The following OGDH variants were observed in gnomAD, a reference collection of about 807,000 sequenced individuals.
OGDH encodes the protein oxoglutarate dehydrogenase, also known as 2-oxoglutarate dehydrogenase complex component E1.
OGDH carries 38 observed loss-of-function variants against 116.6 expected under a neutral mutation model. That is an observed-to-expected ratio of 0.33 (90% CI 0.25 to 0.43). The LOEUF (loss-of-function observed/expected upper bound fraction) is 0.43, where lower values mean the gene tolerates loss of function less well. Ranked by LOEUF, OGDH falls within the 20% of genes least tolerant of loss-of-function variation. The pLI is 1.00. For synonymous variants in OGDH, 488 were observed against 533.3 expected (o/e 0.92, Z 1.17); for missense variants, 825 against 1,357.2 (o/e 0.61, Z 6.16).
At chr7:44,705,046 A>ATTTTCTTTTTTTTTTTTTT (rs1789004520) in intron 20 of OGDH, among the ~76,000 whole-genome samples, 1 of 87,684 alleles carries the variant, frequency 1.1e-5, no homozygotes, top group African/African-American at 6.0e-5. Context: ...AAAGTTTTTA[A>ATTTTCTTTTTTTTTTTTTT]TTTTCTTTTT....
At chr7:44,647,578 T>TG in intron 3 of OGDH, 79 bp from the exon 4 acceptor site, 2 of 1,581,008 alleles carry the variant, frequency 1.3e-6, no homozygotes, top group Non-Finnish European at 1.7e-6. Flanking sequence ...TAATTTTACT[T>TG]TTTTTTTACC....
chr7:44,654,746 C>A (rs1786611782), intron 4 of OGDH, among the ~76,000 whole-genome samples: 1 of 152,128 alleles, frequency 6.6e-6, no homozygotes, highest in Non-Finnish European at 1.5e-5. Context: ...TGAGAAGATT[C>A]TTTGACTGGA....
chr7:44,692,511 C>T (rs1202090000), intron 10 of OGDH, among the ~76,000 whole-genome samples: 1 of 152,146 alleles, frequency 6.6e-6, no homozygotes, highest in Non-Finnish European at 1.5e-5. Context: ...AGGAGGCCTG[C>T]GGGCTTGAGC....
rs758621092 is a variant in OGDH, at chr7:44,707,976, G to T, written c.3049G>T (p.Asp1017Tyr). ...CCTCCTGGACACGGCCTTCGACCTG[G>T]ACGTCTTCAAGAACTTCTCGTAGAT... ...QRLLDTAFDL[D>Y]VFKNFS The change falls in exon 23 of 23, where the codon GAC (aspartate) becomes TAC (tyrosine). Residue 1017 changes from aspartate to tyrosine, a missense_variant. Coordinates refer to ENST00000222673, the MANE Select transcript of OGDH (RefSeq NM_002541.4). This position sits in a 1 kb window ranked among gnomAD's most constrained non-coding sequence, Gnocchi z 5.2. 6.2e-7 allele frequency: 1 copy of T among 1,613,626 alleles called. No homozygotes were observed. The highest frequency in any genetic ancestry group is 1.1e-5 in the South Asian group (1 of 91,082).
rs1789200723 is a variant in OGDH at position 44,708,822 on chromosome 7, T to A, written c.*823T>A. 1 of 152,274 alleles carries A rather than the reference T, an allele frequency of 6.6e-6. No individual in the cohort carries two copies. Among genetic ancestry groups the A allele is most frequent in the Non-Finnish European group, 1.5e-5 (1 of 68,092 alleles). 9.4% of individuals were successfully genotyped at this position (152,274 alleles called of 1,614,324 possible). ...CACCCCAACCACTCTTTCTTTCTCC[T>A]TTAACCCAATGGAGACTTTCTGATG... On this transcript the variant is annotated 3_prime_UTR_variant, in exon 23 of 23. Transcript: ENST00000222673.
At chr7:44,679,117 G>A (rs181402576) in intron 9 of OGDH, among the ~76,000 whole-genome samples, 1 of 152,190 alleles carries the variant, frequency 6.6e-6, no homozygotes, top group Non-Finnish European at 1.5e-5. Context: ...CCACAGTGCA[G>A]TATGGCATGG....
chr7:44,644,532 A>G (rs892943903), intron 2 of OGDH, among the ~76,000 whole-genome samples: 1 of 152,202 alleles, frequency 6.6e-6, no homozygotes, highest in Non-Finnish European at 1.5e-5. Context: ...ACCTATGAAG[A>G]ATGTATATAT....
At chr7:44,689,364 C>T (rs968553056) in intron 10 of OGDH, among the ~76,000 whole-genome samples, 15 of 148,608 alleles carry the variant, frequency 1.0e-4, no homozygotes, top group Admixed American at 9.5e-4. Flanking sequence ...TACAGGCACG[C>T]ACCACCACTC....
chr7:44,683,602 CT>C (rs1788018348), intron 10 of OGDH, among the ~76,000 whole-genome samples: 1 of 152,186 alleles, frequency 6.6e-6, no homozygotes, highest in African/African-American at 2.4e-5. Flanking sequence ...CTTTAAGAAA[CT>C]GGGTTCCATG....
intron 2 of OGDH, among the ~76,000 whole-genome samples, chr7:44,627,823 C>T (rs182052283): frequency 1.3e-5 from 2 of 152,026 alleles, no homozygotes; most frequent in East Asian, 1.9e-4. Flanking sequence ...ATTACAGATA[C>T]GCGCCACCAC....
At chr7:44,674,589 T>C (rs1431391885) in intron 7 of OGDH, 32 bp downstream of exon 7, 2 of 1,612,522 alleles carry the variant, frequency 1.2e-6, no homozygotes, top group Admixed American at 1.7e-5. Context: ...ACCTGGTTTC[T>C]CACCATCCCT....
At chr7:44,655,328 A>G (rs749801144) in intron 4 of OGDH, among the ~76,000 whole-genome samples, 4 of 152,262 alleles carry the variant, frequency 2.6e-5, no homozygotes, top group African/African-American at 4.8e-5. Context: ...TGTTGTCTTA[A>G]GAGCCACTTG....
At chr7:44,678,371 T>A (rs1328391104) in intron 9 of OGDH, among the ~76,000 whole-genome samples, 1 of 152,176 alleles carries the variant, frequency 6.6e-6, no homozygotes, top group Admixed American at 6.5e-5. Context: ...ATTCATAGAT[T>A]GTGGACAGAA....
intron 2 of OGDH, among the ~76,000 whole-genome samples, chr7:44,636,932 G>C (rs918370078): frequency 6.6e-6 from 1 of 152,024 alleles, no homozygotes; most frequent in Non-Finnish European, 1.5e-5. Context: ...TGAGTGGGGT[G>C]GGGGGGCACA....
chr7:44,663,908 C>G (rs1787061953), intron 4 of OGDH, among the ~76,000 whole-genome samples: 1 of 151,764 alleles, frequency 6.6e-6, no homozygotes, highest in Non-Finnish European at 1.5e-5. Context: ...CCAGTACACT[C>G]CAGCCTATGC....
chr7:44,689,806 A>T (rs571259259), intron 10 of OGDH, among the ~76,000 whole-genome samples: 1 of 152,276 alleles, frequency 6.6e-6, no homozygotes, highest in Admixed American at 6.5e-5. Flanking sequence ...GATATGAGCC[A>T]TGTATCCGAT....
intron 5 of OGDH, among the ~76,000 whole-genome samples, chr7:44,668,480 T>A (rs1787282987): frequency 6.6e-6 from 1 of 152,132 alleles, no homozygotes. Context: ...TGGCATTTTC[T>A]GTAGTTTGTG....
At chr7:44,683,087 C>A (rs1275899549) in intron 10 of OGDH, among the ~76,000 whole-genome samples, 4 of 151,532 alleles carry the variant, frequency 2.6e-5, no homozygotes, top group Non-Finnish European at 1.5e-5. Flanking sequence ...AGGTGGAGCT[C>A]ACAGTGAGCT....
intron 20 of OGDH, among the ~76,000 whole-genome samples, chr7:44,704,986 C>T (rs1293852721): frequency 1.3e-5 from 2 of 151,664 alleles, no homozygotes; most frequent in African/African-American, 2.4e-5. Context: ...GCTGGGATTA[C>T]AGGCGTGAGG....
Sources: gnomAD v4.1 joint callset for allele counts (sites outside exome capture counted in the v4.1 genomes callset) on GRCh38, gnomAD v4.1.1 for gene constraint, Gnocchi (gnomAD v3.1) non-coding constraint, MANE v1.5 for transcripts, NCBI Gene and HGNC (gene_info 2026-07-23, HGNC 2026-07-21) for gene names.